CACNA1A: variants seen among roughly 807,000 people sequenced by gnomAD.
CACNA1A encodes the protein calcium voltage-gated channel subunit alpha1 A.
In CACNA1A, 57 loss-of-function variants were observed where a neutral mutation model predicts 262.4. The ratio of observed to expected loss-of-function variants is 0.22; its 90% CI spans 0.18 to 0.27. The LOEUF is 0.27. CACNA1A is among the 10% of genes least tolerant of loss of function. The probability of loss-of-function intolerance (pLI) is 1.00; values close to 1 mark genes in which losing one functional copy is unlikely to be tolerated. For synonymous variants in CACNA1A, 1,431 were observed against 1,419.3 expected, an observed-to-expected ratio of 1.01 and a Z score of -0.18; for missense variants, 2,526 against 3,562.8, an observed-to-expected ratio of 0.71 and a Z score of 7.41.
rs985893045 is a variant in CACNA1A at position 13,385,228 on chromosome 19, TTC to T, written c.540-13451_540-13450del. Reference sequence around the variant, plus strand: ...AGGGCAGATATTTTCTATTCTTTCTTTCTTTTTTTTTTTTTTTTTGAGACAGG... The same window carrying T: ...AGGGCAGATATTTTCTATTCTTTCTTTTTTTTTTTTTTTTTTTGAGACAGG... On this transcript the variant is annotated intron_variant, in intron 3 of 46. Coordinates refer to ENST00000360228, the MANE Select transcript of CACNA1A (RefSeq NM_001127222.2). 2.3e-4 allele frequency among the ~76,000 whole-genome samples: 34 copies of T among 148,032 alleles called. 4 individuals carry two copies. The highest frequency in any genetic ancestry group is 3.3e-4 in the African/African-American group (13 of 39,830).
intron 1 of CACNA1A, among the ~76,000 whole-genome samples, chr19:13,487,674 TA>T (rs5827194): frequency 0.7 from 103,339 of 148,010 alleles, 36,664 homozygotes; most frequent in African/African-American, 0.87. Context: ...TTTTAAAAAT[TA>T]AAAAAAAAAA....
intron 17 of CACNA1A, among the ~76,000 whole-genome samples, chr19:13,301,448 T>C (rs1373825143): frequency 6.6e-6 from 1 of 152,158 alleles, no homozygotes; most frequent in African/African-American, 2.4e-5. Context: ...GAGAGGAATT[T>C]ATATTCCCAG....
intron 3 of CACNA1A, among the ~76,000 whole-genome samples, chr19:13,386,506 C>T (rs988541962): frequency 1.5e-4 from 23 of 151,788 alleles, no homozygotes; most frequent in Non-Finnish European, 3.1e-4. Context: ...AGGCAGTCAT[C>T]GGCCGGGCAC....
intron 10 of CACNA1A, among the ~76,000 whole-genome samples, chr19:13,325,485 A>G (rs1256761193): frequency 6.6e-6 from 1 of 152,238 alleles, no homozygotes; most frequent in East Asian, 1.9e-4. Flanking sequence ...GGCTCACTCT[A>G]TCACCCAGGC....
intron 22 of CACNA1A, among the ~76,000 whole-genome samples, chr19:13,281,379 T>TTA (rs1555751160): frequency 9.7e-6 from 1 of 102,832 alleles, no homozygotes; most frequent in African/African-American, 3.7e-5. Context: ...CATTGTCTCT[T>TTA]AAAAAAAAAA....
At chr19:13,277,018 T>G (rs1600226800) in intron 23 of CACNA1A, 51 bp downstream of exon 23, 2 of 1,319,218 alleles carry the variant, frequency 1.5e-6, no homozygotes, top group African/African-American at 1.4e-5. Flanking sequence ...AGCCCTGCAC[T>G]TGCTTAAAAA....
chr19:13,285,753 C>A (rs555496693), intron 20 of CACNA1A, among the ~76,000 whole-genome samples: 1 of 152,170 alleles, frequency 6.6e-6, no homozygotes, highest in African/African-American at 2.4e-5. Context: ...TTCTGCAGCC[C>A]AGCCTGCTTA....
chr19:13,345,793 G>A (rs2058752468), intron 6 of CACNA1A, among the ~76,000 whole-genome samples: 1 of 151,828 alleles, frequency 6.6e-6, no homozygotes, highest in Non-Finnish European at 1.5e-5. Flanking sequence ...TATAGATCAT[G>A]CCAGGCCTGC....
chr19:13,470,770 G>A (rs2061334127), intron 1 of CACNA1A, among the ~76,000 whole-genome samples: 1 of 152,196 alleles, frequency 6.6e-6, no homozygotes. Flanking sequence ...CAAGAGATCA[G>A]AGAGGAGGGG....
intron 29 of CACNA1A, among the ~76,000 whole-genome samples, chr19:13,253,827 C>T (rs193093723): frequency 6.6e-6 from 1 of 152,180 alleles, no homozygotes; most frequent in Non-Finnish European, 1.5e-5. Flanking sequence ...GCAACTTCCG[C>T]CCCCTGGGTT....
rs143566601 is a variant in CACNA1A, at chr19:13,351,180, C to A, written c.978+8426G>T. 3.6e-3 allele frequency among the ~76,000 whole-genome samples: 553 copies of A among 152,298 alleles called. 3 individuals carry two copies. Among genetic ancestry groups the A allele is most frequent in the Middle Eastern group, 0.017 (5 of 294 alleles). On this transcript the variant is annotated intron_variant, in intron 6 of 46. Transcript: ENST00000360228. ...TACTCTATTCTTCGGAAATGAGTCA[C>A]TAAATCCAGCCCACTCTCAAAGTAG...
In CACNA1A at chr19:13,308,012, A is replaced by G. The variant is rs1388072467; in HGVS notation, c.1913+108T>C. On this transcript the variant is annotated intron_variant, in intron 14 of 46. Transcript: ENST00000360228. The surrounding 1 kb of genome is among the most constrained non-coding windows in gnomAD (Gnocchi z 4.2). ...GGCCCTGCCCATTTGGGTGACCGCA[A>G]TGGGTGTCTGGGCTACGAGGAAGGC... 6.7e-7 allele frequency: 1 copy of G among 1,487,168 alleles called. No homozygotes were observed. The highest frequency in any genetic ancestry group is 1.8e-5 in the Admixed American group (1 of 55,088). The allele number at this position is 1,487,168 out of a possible 1,614,324, so 92.1% of individuals were successfully genotyped here. A position where few individuals can be genotyped will look rare whatever the true frequency, so the allele number is the denominator to read the frequency against.
chr19:13,251,594 T>C (rs2056400689), intron 30 of CACNA1A, among the ~76,000 whole-genome samples: 1 of 152,204 alleles, frequency 6.6e-6, no homozygotes, highest in South Asian at 2.1e-4. Context: ...TGTTAAGGTA[T>C]CTGCAGCTCT....
chr19:13,408,489 C>T (rs7260408), intron 3 of CACNA1A, among the ~76,000 whole-genome samples: 45,181 of 152,138 alleles, frequency 0.3, 12,123 homozygotes, highest in African/African-American at 0.69. Context: ...TTCAAAGGTA[C>T]CTTTCTAGGC....
At chr19:13,499,065 G>T (rs956326901) in intron 1 of CACNA1A, among the ~76,000 whole-genome samples, 6 of 152,016 alleles carry the variant, frequency 3.9e-5, no homozygotes, top group African/African-American at 7.3e-5. Flanking sequence ...GGAAGGGGAG[G>T]GGGGTACCTA....
chr19:13,330,435 G>A, intron 9 of CACNA1A, 102 bp from the exon 10 acceptor site: 2 of 828,554 alleles, frequency 2.4e-6, no homozygotes, highest in Non-Finnish European at 4.0e-6. Flanking sequence ...CACGGCAACT[G>A]TTCTCACGGG....
chr19:13,272,233 G>T (rs2057038756), intron 24 of CACNA1A: 1 of 152,240 alleles, frequency 6.6e-6, no homozygotes, highest in African/African-American at 2.4e-5. Flanking sequence ...CCATTCCCCT[G>T]GGCACAGGTG....
intron 29 of CACNA1A, among the ~76,000 whole-genome samples, chr19:13,253,420 C>T (rs1449555785): frequency 1.1e-4 from 17 of 149,528 alleles, no homozygotes; most frequent in Non-Finnish European, 4.4e-5. Flanking sequence ...TATAGGCATA[C>T]GCCATTGTGC....
chr19:13,295,494 T>TC (rs903650348), intron 19 of CACNA1A, among the ~76,000 whole-genome samples: 4 of 144,618 alleles, frequency 2.8e-5, no homozygotes, highest in African/African-American at 1.0e-4. Flanking sequence ...TTTCTTTCTT[T>TC]CTTTTTTTTT....
Sources: gnomAD v4.1 joint callset for allele counts (sites outside exome capture counted in the v4.1 genomes callset) on GRCh38, gnomAD v4.1.1 for gene constraint, Gnocchi (gnomAD v3.1) non-coding constraint, MANE v1.5 for transcripts, NCBI Gene and HGNC (gene_info 2026-07-23, HGNC 2026-07-21) for gene names.